Variants in RIMS4 observed in about 807,000 individuals in gnomAD.
RIMS4 encodes regulating synaptic membrane exocytosis 4.
Under a neutral mutation model 29.0 loss-of-function variants are expected in RIMS4, and 9 were observed. The ratio of observed to expected loss-of-function variants is 0.31; its 90% CI spans 0.19 to 0.54. The LOEUF is 0.54. Among genes scored for constraint, RIMS4 ranks in the 20% least tolerant of loss-of-function variants. The pLI is 0.94. For synonymous variants in RIMS4, 130 were observed against 152.9 expected, an observed-to-expected ratio of 0.85 and a Z score of 1.10; for missense variants, 193 against 365.7, an observed-to-expected ratio of 0.53 and a Z score of 3.85.
At chr20:44,770,328 T>C (rs1264441705) in intron 2 of RIMS4, among the ~76,000 whole-genome samples, 1 of 152,110 alleles carries the variant, frequency 6.6e-6, no homozygotes, top group Non-Finnish European at 1.5e-5. Context: ...ATAAGGAAGT[T>C]GCTTTGGATC....
chr20:44,806,026 C>T (rs901178971), intron 1 of RIMS4, among the ~76,000 whole-genome samples: 4 of 152,226 alleles, frequency 2.6e-5, no homozygotes, highest in Non-Finnish European at 4.4e-5. Flanking sequence ...TTGGTCTGAG[C>T]GGAAGAGGGT....
chr20:44,785,190 T>C (rs565936106), intron 1 of RIMS4, among the ~76,000 whole-genome samples: 1 of 152,130 alleles, frequency 6.6e-6, no homozygotes, highest in African/African-American at 2.4e-5. Flanking sequence ...TGCATAAAGT[T>C]TGGGAGCCTG....
At chr20:44,761,332 T>A (rs2145445541) in intron 2 of RIMS4, among the ~76,000 whole-genome samples, 1 of 152,198 alleles carries the variant, frequency 6.6e-6, no homozygotes, top group South Asian at 2.1e-4. Context: ...CCCCACCCTA[T>A]CCCTCAGCAC....
At chr20:44,805,097 G>A (rs1404831170) in intron 1 of RIMS4, among the ~76,000 whole-genome samples, 1 of 151,948 alleles carries the variant, frequency 6.6e-6, no homozygotes, top group Non-Finnish European at 1.5e-5. Context: ...TCAGGAGTTT[G>A]AGACCAGTCT....
In RIMS4 at chr20:44,780,235, G is replaced by T. The variant is rs369864629; in HGVS notation, c.98-8822C>A. On this transcript the variant is annotated intron_variant, in intron 1 of 5. Transcript: ENST00000372851. ...GAATGGCAACCAGTGGCATGTCAGA[G>T]TTAAATTCTGACATGTTTTAGCTCC... Among the ~76,000 whole-genome samples, 462 of 152,294 alleles carry T rather than the reference G, an allele frequency of 3.0e-3. 2 individuals are homozygous for T. The highest frequency in any genetic ancestry group is 0.011 in the African/African-American group (442 of 41,568).
At chr20:44,770,114 C>T (rs2066130449) in intron 2 of RIMS4, among the ~76,000 whole-genome samples, 1 of 152,120 alleles carries the variant, frequency 6.6e-6, no homozygotes, top group African/African-American at 2.4e-5. Context: ...CTTTTCTAAG[C>T]CTCAGTCTTC....
In RIMS4 at chr20:44,810,192, A is replaced by C; in HGVS notation, c.80T>G (p.Phe27Cys). 6.3e-7 allele frequency: 1 copy of C among 1,589,058 alleles called. No homozygotes were observed. Among genetic ancestry groups the C allele is most frequent in the South Asian group, 1.1e-5 (1 of 89,162 alleles). Reference protein sequence around the residue: ...LAIYFPCMNSFDDEDAGDSRR... With the variant: ...LAIYFPCMNSCDDEDAGDSRR... ...GCGCTTACCTGCGTCCTCGTCGTCG[A>C]AGGAGTTCATGCACGGGAAGTAGAT... The change falls in exon 1 of 6, where the codon TTC becomes TGC. Residue 27 changes from phenylalanine (F) to cysteine (C), a missense_variant. By Grantham distance (205) the Phe-to-Cys change is radical. Coordinates refer to ENST00000372851, the MANE Select transcript of RIMS4 (RefSeq NM_182970.4).
Position 44,771,427 on chromosome 20 carries a change from C to A in RIMS4, c.98-14G>T. On this transcript the variant is annotated splice_polypyrimidine_tract_variant and intron_variant, in intron 1 of 5. Transcript: ENST00000372851. Reference sequence around the variant, plus strand: ...TCCGGCTGTCCCCTTCTGGGCAAAGCGGCCAAGAGAGATGGGAAGAGAGAC... The same window carrying A: ...TCCGGCTGTCCCCTTCTGGGCAAAGAGGCCAAGAGAGATGGGAAGAGAGAC... The A allele has an allele frequency of 2.5e-6, 4 of 1,602,980 alleles. No individual in the cohort carries two copies. The highest frequency in any genetic ancestry group is 3.4e-6 in the Non-Finnish European group (4 of 1,172,452).
chr20:44,764,169 T>C (rs369608441), intron 2 of RIMS4, among the ~76,000 whole-genome samples: 130 of 4,358 alleles, frequency 0.03, no homozygotes, highest in Middle Eastern at 0.062. Context: ...CATCCATCCA[T>C]CCATCCATCC....
At chr20:44,768,146 A>G (rs1048231159) in intron 2 of RIMS4, among the ~76,000 whole-genome samples, 1 of 152,138 alleles carries the variant, frequency 6.6e-6, no homozygotes, top group African/African-American at 2.4e-5. Context: ...ACATTTCCCA[A>G]GTTTTCTATA....
chr20:44,756,933 G>C lies in RIMS4; in HGVS notation c.556C>G (p.Leu186Val). 1.2e-6 allele frequency: 2 copies of C among 1,614,086 alleles called. No homozygotes were observed. Among genetic ancestry groups the C allele is most frequent in the Non-Finnish European group, 1.7e-6 (2 of 1,179,986 alleles). The change falls in exon 5 of 6, where the codon CTG (leucine) becomes GTG (valine). Residue 186 changes from leucine (L) to valine (V), a missense_variant. Transcript: ENST00000372851. This position sits in a 1 kb window ranked among gnomAD's most constrained non-coding sequence, Gnocchi z 5.9. ...SLDPLYNQVL[L>V]FPESPQGKVL... Reference sequence around the variant, plus strand: ...TTGCCCTGGGGACTCTCAGGAAACAGCAGCACCTGGTTATACAGTGGGTCC... The same window carrying C: ...TTGCCCTGGGGACTCTCAGGAAACACCAGCACCTGGTTATACAGTGGGTCC...
intron 2 of RIMS4, among the ~76,000 whole-genome samples, chr20:44,758,871 T>C (rs1160250015): frequency 6.6e-6 from 1 of 152,218 alleles, no homozygotes; most frequent in Non-Finnish European, 1.5e-5. Context: ...GTAGCTACCA[T>C]CTGGATCCCG....
At chr20:44,809,634 G>A (rs888138409) in intron 1 of RIMS4, among the ~76,000 whole-genome samples, 2 of 152,210 alleles carry the variant, frequency 1.3e-5, no homozygotes, top group Non-Finnish European at 2.9e-5. Flanking sequence ...GCAGGAGTCT[G>A]GAGCCCCAGC....
intron 1 of RIMS4, among the ~76,000 whole-genome samples, chr20:44,785,429 T>C (rs2066203891): frequency 1.3e-5 from 2 of 152,170 alleles, no homozygotes; most frequent in South Asian, 4.2e-4. Flanking sequence ...CAAGCTGGTC[T>C]CCAACTCCTG....
chr20:44,758,870 A>T (rs1053877581), intron 2 of RIMS4, among the ~76,000 whole-genome samples: 1 of 152,226 alleles, frequency 6.6e-6, no homozygotes, highest in African/African-American at 2.4e-5. Context: ...TGTAGCTACC[A>T]TCTGGATCCC....
chr20:44,774,067 T>G (rs1038201264), intron 1 of RIMS4, among the ~76,000 whole-genome samples: 3 of 152,120 alleles, frequency 2.0e-5, no homozygotes, highest in Non-Finnish European at 4.4e-5. Flanking sequence ...GGACCACGAC[T>G]GGACCCAACC....
chr20:44,771,421 G>A lies in RIMS4; in HGVS notation c.98-8C>T, dbSNP rs1053423927. The A allele has an allele frequency of 3.1e-6, 5 of 1,608,576 alleles. No homozygotes were observed. Among genetic ancestry groups the A allele is most frequent in the Non-Finnish European group, 4.2e-6 (5 of 1,176,654 alleles). ...TCAGCCTCCGGCTGTCCCCTTCTGG[G>A]CAAAGCGGCCAAGAGAGATGGGAAG... On this transcript the variant is annotated splice_polypyrimidine_tract_variant and splice_region_variant and intron_variant, in intron 1 of 5. Transcript: ENST00000372851.
chr20:44,800,240 G>A (rs2066272039), intron 1 of RIMS4, among the ~76,000 whole-genome samples: 1 of 152,152 alleles, frequency 6.6e-6, no homozygotes, highest in African/African-American at 2.4e-5. Context: ...GAAAAAACTG[G>A]TAGCCTGAAA....
In RIMS4 at chr20:44,768,706, C is replaced by T. The variant is rs377107251; in HGVS notation, c.236+2569G>A. 6.0e-4 allele frequency among the ~76,000 whole-genome samples: 91 copies of T among 152,312 alleles called. 2 individuals carry two copies. The South Asian group carries it at 0.019, about 31-fold the overall frequency. ...CGTCACCCTCCAACCCACCTGATAC[C>T]TCCTCAGTTGGGCTCAGAACACCCA... On this transcript the variant is annotated intron_variant, in intron 2 of 5. Transcript: ENST00000372851.
Sources: allele counts gnomAD v4.1 joint callset (sites outside exome capture counted in the v4.1 genomes callset), GRCh38; gene constraint gnomAD v4.1.1; non-coding constraint Gnocchi (gnomAD v3.1); transcripts MANE v1.5; gene names NCBI Gene and HGNC (gene_info 2026-07-23, HGNC 2026-07-21).